POLK: variants seen among roughly 807,000 people sequenced by gnomAD.
The protein encoded by POLK is DNA polymerase kappa, also known as polymerase (DNA directed) kappa.
POLK carries 76 observed loss-of-function variants against 94.0 expected under a neutral mutation model. The observed-to-expected ratio is 0.81, with a 90% CI of 0.67 to 0.98. POLK has a LOEUF of 0.98. POLK is among the 50% of genes least tolerant of loss of function. The pLI is 0.00. For synonymous variants in POLK, 349 were observed against 325.4 expected (o/e 1.07, Z -0.78); for missense variants, 954 against 1,010.1 (o/e 0.94, Z 0.75).
intron 3 of POLK, among the ~76,000 whole-genome samples, chr5:75,563,839 G>A (rs1424780963): frequency 6.6e-6 from 1 of 152,180 alleles, no homozygotes; most frequent in Non-Finnish European, 1.5e-5. Context: ...TAGAATAATT[G>A]CGATGTGTTG....
upstream of POLK, chr5:75,511,641 C>A: frequency 6.7e-7 from 1 of 1,503,656 alleles, no homozygotes; most frequent in Non-Finnish European, 8.9e-7. Flanking sequence ...CCCTCCCCTC[C>A]CCTGTCCTTT....
chr5:75,590,295 C>A, intron 10 of POLK, 49 bp from the exon 11 acceptor site: 3 of 994,128 alleles, frequency 3.0e-6, no homozygotes, highest in South Asian at 1.8e-5. Flanking sequence ...TCCAAATTAT[C>A]CTGGATTATA....
At chr5:75,573,165 A>G (rs1270406894) in intron 4 of POLK, among the ~76,000 whole-genome samples, 4 of 152,152 alleles carry the variant, frequency 2.6e-5, no homozygotes, top group East Asian at 3.8e-4. Context: ...CATATACACC[A>G]TGGAATACTA....
intron 12 of POLK, among the ~76,000 whole-genome samples, chr5:75,595,657 T>A (rs1773039025): frequency 6.6e-6 from 1 of 152,162 alleles, no homozygotes; most frequent in Non-Finnish European, 1.5e-5. Context: ...TAATGACACG[T>A]CATTATAAAT....
chr5:75,511,305 G>A, upstream of POLK: 2 of 1,554,842 alleles, frequency 1.3e-6, no homozygotes, highest in Non-Finnish European at 1.7e-6. Flanking sequence ...GGATGGCGAA[G>A]CGAAGAGTGC....
chr5:75,604,448 C>T (rs1026915503), downstream of POLK, among the ~76,000 whole-genome samples: 4 of 152,216 alleles, frequency 2.6e-5, no homozygotes, highest in Admixed American at 2.6e-4. Flanking sequence ...ATGATCATAA[C>T]TCACTGCAGC....
chr5:75,599,928 A>G (rs1487673219), exon 15 of POLK: 1 of 152,054 alleles, frequency 6.6e-6, no homozygotes, highest in East Asian at 1.9e-4. Context: ...TTTGTCTATT[A>G]TATCCAACCC....
downstream of POLK, among the ~76,000 whole-genome samples, chr5:75,602,265 A>G (rs922719242): frequency 3.3e-5 from 5 of 152,224 alleles, no homozygotes; most frequent in African/African-American, 1.2e-4. Flanking sequence ...GGGTGTAGTG[A>G]TACCTCATGG....
intron 1 of POLK, among the ~76,000 whole-genome samples, chr5:75,519,954 T>C (rs1249450775): frequency 6.6e-6 from 1 of 152,208 alleles, no homozygotes; most frequent in Non-Finnish European, 1.5e-5. Flanking sequence ...TCCTCTCTTT[T>C]CCTTTCTGTG....
chr5:75,584,469 G>A (rs1772357899), intron 8 of POLK, among the ~76,000 whole-genome samples: 1 of 152,098 alleles, frequency 6.6e-6, no homozygotes, highest in Admixed American at 6.6e-5. Context: ...AGGAGTTCAA[G>A]ACCAGCCTGA....
At position 75,532,399 on chromosome 5, in the gene POLK, A is replaced by G. The variant is rs976189814; in HGVS notation, c.-13-14611A>G. ...CTCCAGCTCCATCCATTTTGCCTCA[A>G]AGGAGATGATCTCATCCTTTATTAT... On this transcript the variant is annotated intron_variant, in intron 1 of 14. Coordinates refer to ENST00000241436, the Ensembl canonical transcript of POLK. 7.9e-5 allele frequency among the ~76,000 whole-genome samples: 12 copies of G among 151,888 alleles called. No individual in the cohort carries two copies. In the East Asian group the frequency reaches 1.2e-3, roughly 15 times the overall value.
At chr5:75,548,160 A>C (rs972439386) in intron 2 of POLK, among the ~76,000 whole-genome samples, 3 of 152,132 alleles carry the variant, frequency 2.0e-5, no homozygotes. Flanking sequence ...GGCCTCAAGC[A>C]ATCCCTCTAC....
chr5:75,551,675 C>A (rs1266921415), intron 2 of POLK, among the ~76,000 whole-genome samples: 1 of 152,148 alleles, frequency 6.6e-6, no homozygotes, highest in Non-Finnish European at 1.5e-5. Context: ...GCCATTCATG[C>A]TACTATTGCT....
chr5:75,511,516 A>C, upstream of POLK: 1 of 1,472,804 alleles, frequency 6.8e-7, no homozygotes, highest in South Asian at 1.3e-5. Context: ...CTCGATGCCA[A>C]TTTCAAATAG....
At chr5:75,574,728 GT>G (rs924097709) in intron 5 of POLK, among the ~76,000 whole-genome samples, 5 of 151,722 alleles carry the variant, frequency 3.3e-5, no homozygotes, top group Non-Finnish European at 7.4e-5. Flanking sequence ...AGGTTTGTTT[GT>G]TTTTTTTCTG....
chr5:75,530,388 C>T (rs1202150049), intron 1 of POLK, among the ~76,000 whole-genome samples: 2 of 126,562 alleles, frequency 1.6e-5, no homozygotes, highest in Admixed American at 7.9e-5. Context: ...ATTTTTTTTT[C>T]CCTTTTTCTT....
At chr5:75,532,975 G>A (rs887943913) in intron 1 of POLK, among the ~76,000 whole-genome samples, 5 of 152,114 alleles carry the variant, frequency 3.3e-5, no homozygotes, top group African/African-American at 1.2e-4. Flanking sequence ...CCTTACAGAT[G>A]CTGGATATTA....
chr5:75,524,419 G>A (rs114634982), intron 1 of POLK, among the ~76,000 whole-genome samples: 2,291 of 152,218 alleles, frequency 0.015, 57 homozygotes, highest in African/African-American at 0.052. Flanking sequence ...CCTCTCTTAG[G>A]CTCTTGGAGA....
intron 3 of POLK, among the ~76,000 whole-genome samples, chr5:75,563,232 G>T (rs1241231826): frequency 6.6e-6 from 1 of 152,166 alleles, no homozygotes; most frequent in African/African-American, 2.4e-5. Context: ...AAAGTGCTGG[G>T]ATTACAGACG....
Sources: gnomAD v4.1 joint callset for allele counts (sites outside exome capture counted in the v4.1 genomes callset) on GRCh38, gnomAD v4.1.1 for gene constraint, MANE v1.5 for transcripts, NCBI Gene and HGNC (gene_info 2026-07-23, HGNC 2026-07-21) for gene names.